ANKRD30B: variants seen among roughly 807,000 people sequenced by gnomAD.
ANKRD30B encodes the protein ankyrin repeat domain 30B.
ANKRD30B carries 144 observed loss-of-function variants against 202.2 expected under a neutral mutation model. That is an observed-to-expected ratio of 0.71 (90% CI 0.62 to 0.82). ANKRD30B has a LOEUF of 0.82. ANKRD30B is among the 40% of genes least tolerant of loss of function. The probability of loss-of-function intolerance (pLI) is 0.00; values close to 1 mark genes in which losing one functional copy is unlikely to be tolerated. For missense variants in ANKRD30B, 1,487 were observed against 1,669.1 expected (o/e 0.89, Z 1.90); for synonymous variants, 508 against 561.3 (o/e 0.91, Z 1.34).
intron 4 of ANKRD30B, among the ~76,000 whole-genome samples, chr18:14,755,318 G>A (rs1390716781): frequency 6.6e-6 from 1 of 151,730 alleles, no homozygotes; most frequent in Non-Finnish European, 1.5e-5. Flanking sequence ...TTTTTAGTTT[G>A]CTTTATAATT....
In ANKRD30B at chr18:14,764,055, C is replaced by T; in HGVS notation, c.1190C>T (p.Pro397Leu). The change falls in exon 7 of 44, where the codon CCT becomes CTT. Residue 397 changes from proline (P) to leucine (L), a missense_variant. Transcript: ENST00000690538. ...GGAACATCTAATATGATTGCATGTC[C>T]TACAAAAGAAACATCTACAAAAGCA... ...EKGTSNMIACPTKETSTKAST... is the reference protein window; with the variant it reads ...EKGTSNMIACLTKETSTKAST... The T allele has an allele frequency of 6.5e-7, 1 of 1,546,076 alleles. No individual in the cohort carries two copies. The highest frequency in any genetic ancestry group is 8.7e-7 in the Non-Finnish European group (1 of 1,153,072).
At chr18:14,749,670 C>CAAAAAAAAAAAAA (rs55960708) in intron 1 of ANKRD30B, among the ~76,000 whole-genome samples, 3 of 61,196 alleles carry the variant, frequency 4.9e-5, no homozygotes, top group Non-Finnish European at 8.4e-5. Flanking sequence ...GACTCTGTCT[C>CAAAAAAAAAAAAA]AAAAAAAAAA....
chr18:14,805,151 G>A (rs1354670138), intron 24 of ANKRD30B, among the ~76,000 whole-genome samples: 1 of 150,516 alleles, frequency 6.6e-6, no homozygotes, highest in African/African-American at 2.5e-5. Context: ...TTATTTTTAA[G>A]GAAGCAAATT....
At position 14,807,845 on chromosome 18, in the gene ANKRD30B, G is replaced by A. The variant is rs564193998; in HGVS notation, c.2285-706G>A. Among the ~76,000 whole-genome samples, 200 of 150,984 alleles carry A rather than the reference G, an allele frequency of 1.3e-3. 15 individuals are homozygous for A. The highest frequency in any genetic ancestry group is 4.4e-3 in the African/African-American group (181 of 40,964). On this transcript the variant is annotated intron_variant, in intron 24 of 43. Coordinates refer to ENST00000690538, the MANE Select transcript of ANKRD30B (RefSeq NM_001367607.2). The stretch of plus-strand genomic sequence containing the variant: ...CGGCACCTGGACTGTATTAGTTTGT[G>A]GATGGGTGTGCTTTGACTTTTCTGT...
intron 34 of ANKRD30B, among the ~76,000 whole-genome samples, chr18:14,835,351 T>C (rs1456832117): frequency 2.0e-5 from 3 of 151,500 alleles, no homozygotes; most frequent in Non-Finnish European, 4.4e-5. Flanking sequence ...TATCATAGAA[T>C]CATACGTAAG....
chr18:14,776,176 C>T (rs1244418415), intron 9 of ANKRD30B, among the ~76,000 whole-genome samples: 3 of 152,106 alleles, frequency 2.0e-5, no homozygotes, highest in Non-Finnish European at 4.4e-5. Flanking sequence ...GTGAGACTTT[C>T]CTGATGAGAT....
chr18:14,780,239 A>G (rs943766167), intron 11 of ANKRD30B, among the ~76,000 whole-genome samples: 2 of 152,102 alleles, frequency 1.3e-5, no homozygotes, highest in African/African-American at 4.8e-5. Flanking sequence ...TGAGTTCAGG[A>G]GTTTGAGACC....
chr18:14,784,079 C>G (rs1487395059), intron 12 of ANKRD30B, among the ~76,000 whole-genome samples: 5 of 152,070 alleles, frequency 3.3e-5, no homozygotes, highest in Non-Finnish European at 5.9e-5. Context: ...TTTCTCATAT[C>G]AACCCTTTTT....
rs28876743 is a variant in ANKRD30B at position 14,819,938 on chromosome 18, G to C, written c.2642-2545G>C. Among the ~76,000 whole-genome samples, 1,190 of 152,020 alleles carry C rather than the reference G, an allele frequency of 7.8e-3. 13 individuals are homozygous for C. The highest frequency in any genetic ancestry group is 0.028 in the African/African-American group (1,151 of 41,396). The stretch of plus-strand genomic sequence containing the variant: ...GCTTGATGGGGATGGCATTGAATCT[G>C]TAAATAACCTTGGGCAGTATGGCCA... On this transcript the variant is annotated intron_variant, in intron 30 of 43. Transcript: ENST00000690538.
In ANKRD30B at chr18:14,777,976, C is replaced by G. The variant is rs1297371214; in HGVS notation, c.1330-9C>G. Reference sequence around the variant, plus strand: ...AAGACAAATTATTTATTGGTATTACCTTTAACAGATTATCTCTAAGAGTGC... The same window carrying G: ...AAGACAAATTATTTATTGGTATTACGTTTAACAGATTATCTCTAAGAGTGC... On this transcript the variant is annotated splice_polypyrimidine_tract_variant and intron_variant, in intron 9 of 43. Transcript: ENST00000690538. 2 of 1,530,874 alleles carry G rather than the reference C, an allele frequency of 1.3e-6. No homozygotes were observed. The highest frequency in any genetic ancestry group is 2.4e-5 in the South Asian group (2 of 82,740). 94.8% of individuals were successfully genotyped at this position (1,530,874 alleles called of 1,614,324 possible).
the ANKRD30B span, among the ~76,000 whole-genome samples, chr18:14,881,524 G>A: frequency 6.6e-6 from 1 of 152,242 alleles, no homozygotes; most frequent in East Asian, 1.9e-4. Context: ...GTTCATCAAG[G>A]ATATTGGTCT....
At chr18:14,845,457 A>G (rs572276216) in intron 39 of ANKRD30B, among the ~76,000 whole-genome samples, 164 of 151,908 alleles carry the variant, frequency 1.1e-3, no homozygotes, top group African/African-American at 3.8e-3. Flanking sequence ...ATTCACATAA[A>G]TTTTATAATA....
chr18:14,916,134 C>T, the ANKRD30B span, among the ~76,000 whole-genome samples: 1 of 152,156 alleles, frequency 6.6e-6, no homozygotes, highest in Non-Finnish European at 1.5e-5. Flanking sequence ...GATGGTGCTG[C>T]TGTGGGCCTC....
chr18:14,763,479 C>T (rs1179808533), intron 6 of ANKRD30B, among the ~76,000 whole-genome samples: 3 of 151,774 alleles, frequency 2.0e-5, no homozygotes, highest in Admixed American at 1.3e-4. Flanking sequence ...GTAGGAGAAT[C>T]GCTTGAATTG....
intron 32 of ANKRD30B, chr18:14,825,199 C>T (rs914444234): frequency 3.3e-5 from 5 of 152,130 alleles, no homozygotes; most frequent in African/African-American, 9.7e-5. Context: ...GGTTCCATCA[C>T]GATCCTTTTG....
the ANKRD30B span, among the ~76,000 whole-genome samples, chr18:14,912,453 C>T: frequency 5.7e-3 from 870 of 152,236 alleles, 5 homozygotes; most frequent in Admixed American, 0.013. Flanking sequence ...ATCCTTGCAT[C>T]CCTGAGATAA....
At chr18:14,904,467 C>T in the ANKRD30B span, among the ~76,000 whole-genome samples, 3 of 152,112 alleles carry the variant, frequency 2.0e-5, no homozygotes, top group Non-Finnish European at 4.4e-5. Context: ...ATCTGAACTT[C>T]TTTTCTCCTC....
At chr18:14,840,261 G>T (rs896652250) in intron 36 of ANKRD30B, among the ~76,000 whole-genome samples, 3 of 152,154 alleles carry the variant, frequency 2.0e-5, no homozygotes, top group Non-Finnish European at 4.4e-5. Context: ...ATTGAGGCAG[G>T]CTGTGGTGGC....
At chr18:14,877,198 A>G in the ANKRD30B span, among the ~76,000 whole-genome samples, 1 of 152,260 alleles carries the variant, frequency 6.6e-6, no homozygotes, top group African/African-American at 2.4e-5. Context: ...TTTGACTTCC[A>G]CTTACTCTGC....
Sources: gnomAD v4.1 joint callset for allele counts (sites outside exome capture counted in the v4.1 genomes callset) on GRCh38, gnomAD v4.1.1 for gene constraint, MANE v1.5 for transcripts, NCBI Gene and HGNC (gene_info 2026-07-23, HGNC 2026-07-21) for gene names.